Variants in PTPRK observed in about 807,000 individuals in gnomAD.
PTPRK encodes the protein receptor-type tyrosine-protein phosphatase kappa.
Under a neutral mutation model 178.0 loss-of-function variants are expected in PTPRK, and 75 were observed. The ratio of observed to expected loss-of-function variants is 0.42; its 90% CI spans 0.35 to 0.51. PTPRK has a LOEUF of 0.51. Among genes scored for constraint, PTPRK ranks in the 20% least tolerant of loss-of-function variants. The probability of loss-of-function intolerance (pLI) is 0.02; values close to 1 mark genes in which losing one functional copy is unlikely to be tolerated. For synonymous variants in PTPRK, 637 were observed against 620.6 expected (o/e 1.03, Z -0.39); for missense variants, 1,441 against 1,797.8 (o/e 0.80, Z 3.59).
At chr6:128,053,731 C>T (rs187873454) in intron 13 of PTPRK, among the ~76,000 whole-genome samples, 17 of 152,264 alleles carry the variant, frequency 1.1e-4, no homozygotes, top group Admixed American at 3.9e-4. Context: ...AAATGCCACA[C>T]GAGGCTGATA....
At chr6:128,166,113 C>A (rs892635414) in intron 7 of PTPRK, among the ~76,000 whole-genome samples, 1 of 151,428 alleles carries the variant, frequency 6.6e-6, no homozygotes, top group African/African-American at 2.4e-5. Flanking sequence ...TTTCTCATAG[C>A]CTTAAGACAA....
At chr6:128,450,396 C>G (rs999496876) in intron 1 of PTPRK, among the ~76,000 whole-genome samples, 7 of 152,122 alleles carry the variant, frequency 4.6e-5, no homozygotes, top group African/African-American at 1.7e-4. Flanking sequence ...TTAAACAAAA[C>G]CACTTGTTCT....
rs73584678 is a variant in PTPRK, at chr6:128,094,840, T to G, written c.1163-4848A>C. Among the ~76,000 whole-genome samples the G allele has an allele frequency of 1.7e-4, 26 of 150,564 alleles. 2 individuals carry two copies. Among genetic ancestry groups the G allele is most frequent in the African/African-American group, 6.4e-4 (26 of 40,932 alleles). On this transcript the variant is annotated intron_variant, in intron 7 of 29. Coordinates refer to ENST00000368226, the MANE Select transcript of PTPRK (RefSeq NM_002844.4). ...AAAGAAAAAGAGAGAAGGTAATAGA[T>G]AAGGATAGGGTAAGAGAAAAGAGAG...
chr6:128,425,687 A>G (rs1844047855), intron 1 of PTPRK, among the ~76,000 whole-genome samples: 1 of 152,108 alleles, frequency 6.6e-6, no homozygotes, highest in African/African-American at 2.4e-5. Flanking sequence ...AATCTCCTCC[A>G]GGTCTCTGAT....
At chr6:128,360,604 T>C (rs1834602602) in intron 2 of PTPRK, among the ~76,000 whole-genome samples, 1 of 152,158 alleles carries the variant, frequency 6.6e-6, no homozygotes, top group Non-Finnish European at 1.5e-5. Context: ...CATTCTTCTA[T>C]GTCTTCTACT....
chr6:128,470,783 G>T (rs1850540189), intron 1 of PTPRK, among the ~76,000 whole-genome samples: 1 of 131,262 alleles, frequency 7.6e-6, no homozygotes. Flanking sequence ...TGGCTAAGAA[G>T]CCTTTCCTGC....
intron 7 of PTPRK, among the ~76,000 whole-genome samples, chr6:128,145,297 T>C (rs1297394406): frequency 6.6e-6 from 1 of 151,300 alleles, no homozygotes; most frequent in Non-Finnish European, 1.5e-5. Context: ...AATAATAATG[T>C]AGATGGTGAG....
At chr6:128,464,651 A>ATG (rs1313615699) in intron 1 of PTPRK, among the ~76,000 whole-genome samples, 5 of 98,196 alleles carry the variant, frequency 5.1e-5, no homozygotes, top group South Asian at 3.3e-4. Context: ...ATATATATAT[A>ATG]TATATATATA....
chr6:128,037,222 A>C (rs1776378021), intron 13 of PTPRK, among the ~76,000 whole-genome samples: 1 of 152,188 alleles, frequency 6.6e-6, no homozygotes, highest in South Asian at 2.1e-4. Context: ...GAGACATTAT[A>C]TACTAAGTCA....
intron 2 of PTPRK, among the ~76,000 whole-genome samples, chr6:128,386,999 C>T (rs1307361283): frequency 1.3e-5 from 2 of 151,982 alleles, no homozygotes; most frequent in Non-Finnish European, 2.9e-5. Flanking sequence ...ACCCAGGAGG[C>T]GAAGGTTGCA....
chr6:128,079,716 T>C (rs1784474192), intron 10 of PTPRK, among the ~76,000 whole-genome samples: 2 of 152,086 alleles, frequency 1.3e-5, no homozygotes, highest in Admixed American at 1.3e-4. Flanking sequence ...TGAGAAATGC[T>C]ATGAATATAA....
At chr6:128,331,125 A>C (rs998308287) in intron 2 of PTPRK, among the ~76,000 whole-genome samples, 1 of 152,184 alleles carries the variant, frequency 6.6e-6, no homozygotes, top group Non-Finnish European at 1.5e-5. Context: ...ACTTAATTGA[A>C]AAACTCCATG....
At chr6:128,144,426 GCCC>G (rs1295980841) in intron 7 of PTPRK, among the ~76,000 whole-genome samples, 1 of 152,030 alleles carries the variant, frequency 6.6e-6, no homozygotes, top group South Asian at 2.1e-4. Context: ...ATCAAATATT[GCCC>G]ATGGCAGGTC....
rs574460378 is a variant in PTPRK, at chr6:128,258,932, A to T, written c.496-16330T>A. 2.6e-5 allele frequency among the ~76,000 whole-genome samples: 4 copies of T among 152,272 alleles called. No homozygotes were observed. The South Asian group carries it at 8.3e-4, about 32-fold the overall frequency. On this transcript the variant is annotated intron_variant, in intron 3 of 29. Coordinates refer to ENST00000368226, the MANE Select transcript of PTPRK (RefSeq NM_002844.4). ...GGAGCTAGCCAATAACTGGATTTGG[A>T]TTTTATTGACTCCATTGAGAAGCCA...
At chr6:128,165,697 T>A (rs1223052764) in intron 7 of PTPRK, among the ~76,000 whole-genome samples, 1 of 151,434 alleles carries the variant, frequency 6.6e-6, no homozygotes, top group Admixed American at 6.6e-5. Flanking sequence ...TTTTTCCTCA[T>A]TACAAATTTT....
intron 7 of PTPRK, among the ~76,000 whole-genome samples, chr6:128,092,538 C>A (rs1010522881): frequency 4.6e-5 from 7 of 152,066 alleles, no homozygotes; most frequent in Non-Finnish European, 8.8e-5. Context: ...CACACATATA[C>A]ATATACACAT....
chr6:128,230,063 G>C (rs1319387403), intron 5 of PTPRK, among the ~76,000 whole-genome samples: 2 of 152,126 alleles, frequency 1.3e-5, no homozygotes, highest in East Asian at 1.9e-4. Context: ...ATCACAAAAA[G>C]AAAGATGACA....
chr6:128,105,233 G>C (rs555259274), intron 7 of PTPRK, among the ~76,000 whole-genome samples: 1 of 151,070 alleles, frequency 6.6e-6, no homozygotes, highest in African/African-American at 2.4e-5. Context: ...TCCCGGGTTC[G>C]CGCCATTCTG....
At chr6:128,005,886 A>G (rs45582334) in intron 14 of PTPRK, 136,029 of 473,186 alleles carry the variant, frequency 0.29, 21,319 homozygotes, top group Admixed American at 0.34. Context: ...TAGGTGATAG[A>G]TAAAGTTTAT....
Sources: allele counts gnomAD v4.1 joint callset (sites outside exome capture counted in the v4.1 genomes callset), GRCh38; gene constraint gnomAD v4.1.1; transcripts MANE v1.5; gene names NCBI Gene and HGNC (gene_info 2026-07-23, HGNC 2026-07-21).